Variants in DLC1 observed in about 807,000 individuals in gnomAD.
DLC1 encodes rho GTPase-activating protein 7.
In DLC1, 54 loss-of-function variants were observed where a neutral mutation model predicts 140.3. The ratio of observed to expected loss-of-function variants is 0.38; its 90% confidence interval spans 0.31 to 0.48. The LOEUF is 0.48. Among genes scored for constraint, DLC1 ranks in the 20% least tolerant of loss-of-function variants. The pLI, the probability that DLC1 is intolerant of heterozygous loss-of-function variation, is 0.96. For missense variants in DLC1, 2,536 were observed against 1,907.0 expected (o/e 1.33, Z -6.14); for synonymous variants, 986 against 728.1 (o/e 1.35, Z -5.70).
intron 16 of DLC1, among the ~76,000 whole-genome samples, chr8:13,088,201 T>C (rs1383982176): frequency 6.6e-6 from 1 of 150,804 alleles, no homozygotes; most frequent in East Asian, 2.1e-4. Context: ...TGCCTCGGCC[T>C]CCCGAGTAGC....
intron 4 of DLC1, among the ~76,000 whole-genome samples, chr8:13,350,849 A>G (rs886370650): frequency 4.6e-5 from 7 of 152,218 alleles, no homozygotes; most frequent in East Asian, 1.9e-4. Context: ...CCTTGCATAG[A>G]AGCCGCTCTT....
chr8:13,455,354 C>T (rs1799334425), intron 2 of DLC1, among the ~76,000 whole-genome samples: 2 of 152,132 alleles, frequency 1.3e-5, no homozygotes, highest in Non-Finnish European at 2.9e-5. Context: ...CTCCTCAAAG[C>T]ACTCCAAGTG....
chr8:13,118,030 G>C (rs907475571), intron 5 of DLC1, among the ~76,000 whole-genome samples: 1 of 106,684 alleles, frequency 9.4e-6, no homozygotes, highest in African/African-American at 4.2e-5. Flanking sequence ...TTTTTTTTGA[G>C]ACAGAGTCTT....
chr8:13,358,606 A>T (rs146101869), intron 4 of DLC1, among the ~76,000 whole-genome samples: 169 of 152,164 alleles, frequency 1.1e-3, no homozygotes, highest in African/African-American at 3.4e-3. Context: ...CATTTTATCT[A>T]TTAAAGTTTG....
rs369071159 is a variant in DLC1, at chr8:13,182,702, C to T, written c.1349-67045G>A. Among the ~76,000 whole-genome samples, 3 of 152,232 alleles carry T rather than the reference C, an allele frequency of 2.0e-5. No individual in the cohort carries two copies. The East Asian group carries it at 5.8e-4, about 29-fold the overall frequency. On this transcript the variant is annotated intron_variant, in intron 5 of 17. Transcript: ENST00000276297. ...TATATCTCTGTTTTGGTACCAGTAC[C>T]ATGCTGTTTTGGTTACTGTAGCCTT...
intron 5 of DLC1, among the ~76,000 whole-genome samples, chr8:13,209,773 C>T (rs1336080311): frequency 2.6e-5 from 4 of 152,162 alleles, no homozygotes; most frequent in Non-Finnish European, 5.9e-5. Flanking sequence ...GAGATGCCTG[C>T]TCCCCCTTCA....
intron 5 of DLC1, among the ~76,000 whole-genome samples, chr8:13,181,362 G>A (rs1826026170): frequency 7.2e-6 from 1 of 138,862 alleles, no homozygotes. Context: ...AATACTTTAA[G>A]TTCTAGGGTA....
At chr8:13,533,790 G>GGTTCTCACTGTAGTGAGCAA (rs1270799965) in intron 1 of DLC1, among the ~76,000 whole-genome samples, 1 of 152,106 alleles carries the variant, frequency 6.6e-6, no homozygotes, top group Non-Finnish European at 1.5e-5. Flanking sequence ...TGGATAGTGG[G>GGTTCTCACTGTAGTGAGCAA]GTTCTCACTG....
chr8:13,296,044 C>T (rs979471030), intron 5 of DLC1, among the ~76,000 whole-genome samples: 3 of 145,692 alleles, frequency 2.1e-5, no homozygotes, highest in African/African-American at 5.1e-5. Flanking sequence ...CCTCCATCAC[C>T]TCCCAGGTTC....
chr8:13,183,151 T>A (rs901826239), intron 5 of DLC1, among the ~76,000 whole-genome samples: 2 of 151,870 alleles, frequency 1.3e-5, no homozygotes, highest in African/African-American at 4.8e-5. Context: ...CTTGTGATTT[T>A]TGTACATTGA....
chr8:13,460,363 A>G (rs1462606821), intron 2 of DLC1, among the ~76,000 whole-genome samples: 1 of 152,208 alleles, frequency 6.6e-6, no homozygotes, highest in African/African-American at 2.4e-5. Context: ...CTGTCTTACT[A>G]AAAGACTTCT....
At chr8:13,360,761 AT>A (rs1835185071) in intron 4 of DLC1, among the ~76,000 whole-genome samples, 1 of 152,222 alleles carries the variant, frequency 6.6e-6, no homozygotes, top group African/African-American at 2.4e-5. Flanking sequence ...AATGAAAAAA[AT>A]AAAAAATAAA....
chr8:13,499,139 C>T lies in DLC1; in HGVS notation c.933G>A (p.Lys311=). 1 of 1,614,168 alleles carries T rather than the reference C, an allele frequency of 6.2e-7. No individual in the cohort carries two copies. Among genetic ancestry groups the T allele is most frequent in the Non-Finnish European group, 8.5e-7 (1 of 1,180,014 alleles). Residue 311 remains lysine (K), a synonymous_variant, in exon 2 of 18, where the codon AAG becomes AAA. Transcript: ENST00000276297. The part of the protein sequence containing the change: ...QHQNKSPPKV[K]AEDGMQCLQL... ...GTAAACACTGCATGCCATCTTCTGCCTTGACCTTTGGTGGACTTTTGTTTT... is the reference window on the plus strand; with the variant it reads ...GTAAACACTGCATGCCATCTTCTGCTTTGACCTTTGGTGGACTTTTGTTTT...
intron 4 of DLC1, among the ~76,000 whole-genome samples, chr8:13,360,414 C>G (rs574647844): frequency 6.6e-6 from 1 of 152,088 alleles, no homozygotes; most frequent in Non-Finnish European, 1.5e-5. Context: ...TCACTGTAGC[C>G]AGGGTTGCAA....
At chr8:13,443,035 T>C (rs1012983591) in intron 2 of DLC1, among the ~76,000 whole-genome samples, 21 of 152,140 alleles carry the variant, frequency 1.4e-4, no homozygotes, top group South Asian at 1.2e-3. Context: ...TAAAAAAGGA[T>C]GAGTTCATGT....
intron 10 of DLC1, among the ~76,000 whole-genome samples, chr8:13,097,273 A>ATTATTATTCTTATTTT (rs1377225334): frequency 6.6e-6 from 1 of 150,872 alleles, no homozygotes; most frequent in African/African-American, 2.4e-5. Context: ...TATTATTATT[A>ATTATTATTCTTATTTT]TTTTTTGAGA....
intron 4 of DLC1, among the ~76,000 whole-genome samples, chr8:13,390,207 A>G (rs1453877012): frequency 1.3e-5 from 2 of 152,310 alleles, no homozygotes; most frequent in East Asian, 1.9e-4. Flanking sequence ...AATAACAAGA[A>G]AAAATAACAT....
intron 1 of DLC1, among the ~76,000 whole-genome samples, chr8:13,553,380 C>G (rs1341244333): frequency 6.6e-6 from 1 of 151,190 alleles, no homozygotes; most frequent in Non-Finnish European, 1.5e-5. Context: ...ATTTTTCATC[C>G]TGTTTCATCT....
At chr8:13,086,891 G>A (rs1817610093) in intron 16 of DLC1, among the ~76,000 whole-genome samples, 2 of 152,170 alleles carry the variant, frequency 1.3e-5, no homozygotes, top group Admixed American at 6.5e-5. Context: ...CGGGCATGGT[G>A]GTGTGCTCCT....
Sources: allele counts gnomAD v4.1 joint callset (sites outside exome capture counted in the v4.1 genomes callset), GRCh38; gene constraint gnomAD v4.1.1; transcripts MANE v1.5; gene names NCBI Gene and HGNC (gene_info 2026-07-23, HGNC 2026-07-21).